RIC1: variants seen among roughly 807,000 people sequenced by gnomAD.
RIC1 encodes RIC1 partner of RAB6A GEF complex.
In RIC1, 88 loss-of-function variants were observed where a neutral mutation model predicts 169.0. The ratio of observed to expected loss-of-function variants is 0.52; its 90% CI spans 0.44 to 0.62. The LOEUF (loss-of-function observed/expected upper bound fraction) is 0.62. Ranked by LOEUF, RIC1 falls within the 20% of genes least tolerant of loss-of-function variation. The pLI, the probability that RIC1 is intolerant of heterozygous loss-of-function variation, is 0.00. For missense variants in RIC1, 1,877 were observed against 1,725.5 expected (o/e 1.09, Z -1.56); for synonymous variants, 790 against 601.5 (o/e 1.31, Z -4.59).
chr9:5,721,567 G>A (rs1277160225), intron 6 of RIC1, among the ~76,000 whole-genome samples: 1 of 152,180 alleles, frequency 6.6e-6, no homozygotes, highest in East Asian at 1.9e-4. Flanking sequence ...TCAGGAAACG[G>A]CAAACGGGCA....
chr9:5,671,438 A>G (rs1303414908), intron 2 of RIC1, among the ~76,000 whole-genome samples: 1 of 151,800 alleles, frequency 6.6e-6, no homozygotes, highest in African/African-American at 2.4e-5. Context: ...ACCAGGCCCA[A>G]CTAATTTTTG....
chr9:5,751,367 G>A (rs907110838), intron 12 of RIC1, among the ~76,000 whole-genome samples: 9 of 151,590 alleles, frequency 5.9e-5, no homozygotes, highest in Non-Finnish European at 8.8e-5. Context: ...GGGGTCTGGG[G>A]GGCAGGGAGA....
In RIC1 at chr9:5,732,064, T is replaced by G. The variant is rs569654466; in HGVS notation, c.721-324T>G. Among the ~76,000 whole-genome samples, 9 of 152,352 alleles carry G rather than the reference T, an allele frequency of 5.9e-5. No homozygotes were observed. In the East Asian group the frequency reaches 1.5e-3, roughly 26 times the overall value. The stretch of plus-strand genomic sequence containing the variant: ...TTAGATGCTGTTTCCGCTGTCAAAA[T>G]GTTTACATTCTAACAAGAAAGTCAT... On this transcript the variant is annotated intron_variant, in intron 6 of 25. Transcript: ENST00000414202.
intron 1 of RIC1, 30 bp downstream of exon 1, chr9:5,629,483 G>A: frequency 1.3e-6 from 2 of 1,516,050 alleles, no homozygotes; most frequent in Admixed American, 2.1e-5. Flanking sequence ...GCCTTTCGCC[G>A]CTGCCTCCCC....
chr9:5,741,996 C>A (rs1490299781), intron 8 of RIC1, among the ~76,000 whole-genome samples: 1 of 152,170 alleles, frequency 6.6e-6, no homozygotes, highest in East Asian at 1.9e-4. Context: ...ATTGTATTCT[C>A]TGTTTGAACC....
At chr9:5,741,139 T>C (rs931497366) in intron 8 of RIC1, among the ~76,000 whole-genome samples, 1 of 152,210 alleles carries the variant, frequency 6.6e-6, no homozygotes, top group Non-Finnish European at 1.5e-5. Flanking sequence ...ATTTTCTTTT[T>C]ATACATTGAA....
At chr9:5,685,485 A>G (rs1221357436) in intron 2 of RIC1, among the ~76,000 whole-genome samples, 2 of 149,452 alleles carry the variant, frequency 1.3e-5, no homozygotes, top group African/African-American at 4.9e-5. Flanking sequence ...ACCTACAACT[A>G]TCTGATCTTT....
At chr9:5,767,033 A>T (rs1329240688) in intron 21 of RIC1, among the ~76,000 whole-genome samples, 1 of 152,226 alleles carries the variant, frequency 6.6e-6, no homozygotes, top group Non-Finnish European at 1.5e-5. Flanking sequence ...TCATTCTTGC[A>T]GGAGTAAGGT....
intron 7 of RIC1, among the ~76,000 whole-genome samples, chr9:5,736,935 G>C (rs1007090819): frequency 6.6e-6 from 1 of 151,196 alleles, no homozygotes; most frequent in African/African-American, 2.4e-5. Context: ...ACCTGGATGG[G>C]AATGGATCAA....
At chr9:5,655,823 G>C (rs1305443737) in intron 1 of RIC1, among the ~76,000 whole-genome samples, 2 of 151,812 alleles carry the variant, frequency 1.3e-5, no homozygotes, top group Non-Finnish European at 2.9e-5. Context: ...ATTTTGTTGA[G>C]AGGTTTTATA....
At chr9:5,703,507 C>G (rs1822363894) in intron 3 of RIC1, among the ~76,000 whole-genome samples, 1 of 152,184 alleles carries the variant, frequency 6.6e-6, no homozygotes, top group Non-Finnish European at 1.5e-5. Context: ...CCCCTAGAAC[C>G]ATACATTTGT....
At chr9:5,651,911 G>A (rs2130411765) in intron 1 of RIC1, among the ~76,000 whole-genome samples, 1 of 152,182 alleles carries the variant, frequency 6.6e-6, no homozygotes, top group African/African-American at 2.4e-5. Flanking sequence ...AGTAAGATAA[G>A]GGTCTAATTT....
chr9:5,682,859 G>A (rs200752052), intron 2 of RIC1, among the ~76,000 whole-genome samples: 2 of 152,010 alleles, frequency 1.3e-5, no homozygotes, highest in Non-Finnish European at 2.9e-5. Context: ...GGCTTTGTTC[G>A]TTTCTTTTTA....
At chr9:5,651,275 A>G (rs1169850897) in intron 1 of RIC1, among the ~76,000 whole-genome samples, 2 of 151,962 alleles carry the variant, frequency 1.3e-5, no homozygotes, top group Non-Finnish European at 2.9e-5. Flanking sequence ...TCCTTGCTTT[A>G]GGTGTTTCCT....
Position 5,634,783 on chromosome 9 carries a change from C to T in RIC1, c.144+5330C>T, listed in dbSNP as rs10975207. On this transcript the variant is annotated intron_variant, in intron 1 of 25. Transcript: ENST00000414202. ...CTTTCCATGTCATCCAAAATACCAT[C>T]GTGAAAACAGATGTCAGGGTGTTTT... Among the ~76,000 whole-genome samples, 323 of 152,170 alleles carry T rather than the reference C, an allele frequency of 2.1e-3. 1 individual carries two copies. Among genetic ancestry groups the T allele is most frequent in the Non-Finnish European group, 2.2e-3 (153 of 68,002 alleles).
At chr9:5,661,256 G>C (rs542129656) in intron 2 of RIC1, among the ~76,000 whole-genome samples, 1 of 152,178 alleles carries the variant, frequency 6.6e-6, no homozygotes, top group African/African-American at 2.4e-5. Flanking sequence ...ACAGTTTTAA[G>C]TCAGGTAGCA....
At chr9:5,683,893 A>C (rs1015343574) in intron 2 of RIC1, among the ~76,000 whole-genome samples, 5 of 151,986 alleles carry the variant, frequency 3.3e-5, no homozygotes, top group African/African-American at 9.7e-5. Flanking sequence ...TTGATCTCAG[A>C]CTGCTGTGCT....
At chr9:5,641,880 G>A (rs1349524659) in intron 1 of RIC1, among the ~76,000 whole-genome samples, 1 of 144,250 alleles carries the variant, frequency 6.9e-6, no homozygotes, top group Non-Finnish European at 1.5e-5. Context: ...ATTCCTGCCT[G>A]AAAGGTCACA....
At chr9:5,693,177 T>G (rs915131250) in intron 3 of RIC1, among the ~76,000 whole-genome samples, 6 of 152,128 alleles carry the variant, frequency 3.9e-5, no homozygotes, top group African/African-American at 1.4e-4. Context: ...AGGCCAGTGG[T>G]TAATCATCCT....
Sources: allele counts gnomAD v4.1 joint callset (sites outside exome capture counted in the v4.1 genomes callset), GRCh38; gene constraint gnomAD v4.1.1; transcripts MANE v1.5; gene names NCBI Gene and HGNC (gene_info 2026-07-23, HGNC 2026-07-21).